The following CHERP variants were observed in gnomAD, a reference collection of about 807,000 sequenced individuals.
The protein encoded by CHERP is calcium homeostasis endoplasmic reticulum protein.
In CHERP, 8 loss-of-function variants were observed where a neutral mutation model predicts 113.8. That is an observed-to-expected ratio of 0.07 (90% CI 0.04 to 0.13). The LOEUF is 0.13. Among genes scored for constraint, CHERP ranks in the 10% least tolerant of loss-of-function variants. The pLI is 1.00. For synonymous variants in CHERP, 559 were observed against 524.5 expected, an observed-to-expected ratio of 1.07 and a Z score of -0.90; for missense variants, 884 against 1,298.2, an observed-to-expected ratio of 0.68 and a Z score of 4.90.
chr19:16,521,414 T>C (rs1254724379), intron 12 of CHERP, 107 bp downstream of exon 12: 4 of 1,116,590 alleles, frequency 3.6e-6, no homozygotes, highest in Non-Finnish European at 4.9e-6. Context: ...GGGCAGTTTC[T>C]CCTGAGGGAC....
Position 16,522,777 on chromosome 19 carries a change from GACTCGAGCCTCATAGCCT to G in CHERP, c.1980+257_1980+274del, listed in dbSNP as rs1568505249. Among the ~76,000 whole-genome samples the G allele has an allele frequency of 4.6e-5, 7 of 152,304 alleles. No homozygotes were observed. In the South Asian group the frequency reaches 1.0e-3, roughly 23 times the overall value. On this transcript the variant is annotated intron_variant, in intron 11 of 16. Transcript: ENST00000546361. ...CCTGGACCAAGAAGGACGAAGAGAG[GACTCGAGCCTCATAGCCT>G]AGCTAGCCCCACATGGCTGAAGCTC...
chr19:16,541,695 C>T, intron 2 of CHERP, 175 bp downstream of exon 2: 1 of 639,224 alleles, frequency 1.6e-6, no homozygotes, highest in Non-Finnish European at 2.6e-6. Flanking sequence ...ACAGTGGCAC[C>T]CAGCAGCCGC....
In CHERP at chr19:16,519,450, A is replaced by C; in HGVS notation, c.2558-98T>G. 1 of 1,385,168 alleles carries C rather than the reference A, an allele frequency of 7.2e-7. No homozygotes were observed. The highest frequency in any genetic ancestry group is 1.3e-5 in the South Asian group (1 of 78,528). 85.8% of individuals were successfully genotyped at this position (1,385,168 alleles called of 1,614,324 possible). A position where few individuals can be genotyped will look rare whatever the true frequency, so the allele number is the denominator to read the frequency against. On this transcript the variant is annotated intron_variant, in intron 16 of 16. Transcript: ENST00000546361. This position sits in a 1 kb window ranked among gnomAD's most constrained non-coding sequence, Gnocchi z 6.0. ...CCAGACAGGCAGTGTAGACATGGGA[A>C]ATGGGTAGAGAGAACCCGCAGGCCG...
At chr19:16,521,005 G>C (rs2085609096) in intron 12 of CHERP, 93 bp from the exon 13 acceptor site, 1 of 1,072,770 alleles carries the variant, frequency 9.3e-7, no homozygotes, top group South Asian at 1.3e-5. Flanking sequence ...CAGAACCTTG[G>C]AGAGTACATG....
rs1733065394 is a variant in CHERP, at chr19:16,542,063, C to T, written c.26-20G>A. On this transcript the variant is annotated intron_variant, in intron 1 of 16. Transcript: ENST00000546361. ...CCTGGTCTGGAGGACGGAGAAAAGG[C>T]CACGCGGGGCGTCAGCGAGGACCGC... 1.3e-6 allele frequency: 2 copies of T among 1,598,916 alleles called. No homozygotes were observed. Among genetic ancestry groups the T allele is most frequent in the African/African-American group, 1.3e-5 (1 of 74,234 alleles).
At position 16,533,167 on chromosome 19, in the gene CHERP, G is replaced by A. The variant is rs1365929615; in HGVS notation, c.385-19C>T. The stretch of plus-strand genomic sequence containing the variant: ...CTTGCTCCTGCGGGCGGGGGTCGGT[G>A]GGGTCGAGAACACATGAGGAGGGAC... On this transcript the variant is annotated intron_variant, in intron 3 of 16. Transcript: ENST00000546361. 3 of 1,570,810 alleles carry A rather than the reference G, an allele frequency of 1.9e-6. No individual in the cohort carries two copies. The highest frequency in any genetic ancestry group is 2.6e-6 in the Non-Finnish European group (3 of 1,159,494).
chr19:16,529,063 C>T (rs979379690), intron 8 of CHERP, among the ~76,000 whole-genome samples: 14 of 152,222 alleles, frequency 9.2e-5, no homozygotes, highest in Middle Eastern at 3.2e-3. Flanking sequence ...GACAGGGTCT[C>T]GCTTTGTTAC....
chr19:16,527,032 T>G (rs549584036), intron 9 of CHERP, among the ~76,000 whole-genome samples: 31 of 152,334 alleles, frequency 2.0e-4, no homozygotes, highest in Non-Finnish European at 3.7e-4. Context: ...TTTAAACGTG[T>G]TAAGACCCCA....
rs567354580 is a variant in CHERP, at chr19:16,519,055, C to G, written c.*104G>C. 3.4e-4 allele frequency: 343 copies of G among 1,017,856 alleles called. 9 individuals are homozygous for G. The South Asian group carries it at 5.0e-3, about 15-fold the overall frequency. 63.1% of individuals were successfully genotyped at this position (1,017,856 alleles called of 1,614,324 possible). ...TCCTGTGGCTCTCCACAAGTGGAGA[C>G]GGTGTAAGAACTGAGCTGTCACTGC... is the stretch of plus-strand genomic sequence containing the variant. On this transcript the variant is annotated 3_prime_UTR_variant, in exon 17 of 17. Transcript: ENST00000546361. The surrounding 1 kb of genome is among the most constrained non-coding windows in gnomAD (Gnocchi z 6.0).
At chr19:16,527,548 T>C (rs777467727) in intron 9 of CHERP, among the ~76,000 whole-genome samples, 17 of 152,192 alleles carry the variant, frequency 1.1e-4, no homozygotes, top group Non-Finnish European at 2.2e-4. Context: ...GTGCTGAAAG[T>C]GGACCCAGCA....
In CHERP at chr19:16,535,447, C is replaced by T. The variant is rs1438643140; in HGVS notation, c.384+5G>A. On this transcript the variant is annotated splice_donor_5th_base_variant and intron_variant, in intron 3 of 16. Transcript: ENST00000546361. This position sits in a 1 kb window ranked among gnomAD's most constrained non-coding sequence, Gnocchi z 4.3. ...TGTCTGGCCGAGGAGGCGGCGGGCC[C>T]ATACCTGTCTGAGCGCCAGCAAGTG... 2 of 1,607,038 alleles carry T rather than the reference C, an allele frequency of 1.2e-6. No homozygotes were observed. The highest frequency in any genetic ancestry group is 3.4e-5 in the Admixed American group (2 of 59,096).
intron 2 of CHERP, among the ~76,000 whole-genome samples, chr19:16,536,054 TAAG>T (rs1174014989): frequency 6.6e-6 from 1 of 152,170 alleles, no homozygotes; most frequent in African/African-American, 2.4e-5. Context: ...CTCTGCCACT[TAAG>T]CTACCCATTG....
chr19:16,542,196 C>T (rs1013928844), intron 1 of CHERP, 153 bp from the exon 2 acceptor site: 1 of 1,081,368 alleles, frequency 9.2e-7, no homozygotes, highest in Non-Finnish European at 1.3e-6. Context: ...AGGGGCCACA[C>T]GCTCGCCGGG....
chr19:16,537,372 G>A (rs948555015), intron 2 of CHERP, among the ~76,000 whole-genome samples: 2 of 151,922 alleles, frequency 1.3e-5, no homozygotes, highest in Admixed American at 6.6e-5. Flanking sequence ...TCCGCTCTAC[G>A]CAACCGCCGG....
intron 12 of CHERP, 103 bp downstream of exon 12, chr19:16,521,418 G>T: frequency 1.7e-6 from 2 of 1,178,480 alleles, no homozygotes; most frequent in Non-Finnish European, 2.3e-6. Flanking sequence ...AGTTTCTCCT[G>T]AGGGACAGCC....
chr19:16,542,231 C>T (rs2085785427), intron 1 of CHERP, 123 bp downstream of exon 1: 2 of 1,106,742 alleles, frequency 1.8e-6, no homozygotes, highest in Non-Finnish European at 2.4e-6. Flanking sequence ...CGGGAGAGGC[C>T]GCAGGCGAAG....
chr19:16,520,170 C>G lies in CHERP; in HGVS notation c.2441G>C (p.Arg814Pro). 2 of 1,612,832 alleles carry G rather than the reference C, an allele frequency of 1.2e-6. No homozygotes were observed. Among genetic ancestry groups the G allele is most frequent in the Non-Finnish European group, 1.7e-6 (2 of 1,179,994 alleles). ...SYSPGRRRRS[R>P]SRSPTPPSSA... The stretch of plus-strand genomic sequence containing the variant: ...TTACGGCGGGGTGGGGCTCCTGGAC[C>G]GTGACCGGCGTCTTCTTCCTGGGGA... The change falls in exon 15 of 17, where the codon CGG becomes CCG. Residue 814 changes from arginine (R) to proline (P), a missense_variant. This residue lies in a region of CHERP where 159 missense variants were observed against 185.8 expected (regional missense o/e 0.86). Transcript: ENST00000546361. The surrounding 1 kb of genome is among the most constrained non-coding windows in gnomAD (Gnocchi z 4.0).
chr19:16,535,638 TGGA>T lies in CHERP; in HGVS notation c.200-5_200-3del. The T allele has an allele frequency of 6.6e-7, 1 of 1,508,166 alleles. No homozygotes were observed. The highest frequency in any genetic ancestry group is 8.9e-7 in the Non-Finnish European group (1 of 1,129,892). The allele number at this position is 1,508,166 out of a possible 1,614,324, so 93.4% of individuals were successfully genotyped here. A position where few individuals can be genotyped will look rare whatever the true frequency, so the allele number is the denominator to read the frequency against. On this transcript the variant is annotated splice_region_variant and splice_polypyrimidine_tract_variant and intron_variant, in intron 2 of 16. Transcript: ENST00000546361. This position sits in a 1 kb window ranked among gnomAD's most constrained non-coding sequence, Gnocchi z 4.3. ...CCGGGGTCTGCTGCTTGCAGATGAC[TGGA>T]GGGAGAGGAGGAGGGGTGCCCCATG... is the stretch of plus-strand genomic sequence containing the variant.
At chr19:16,533,795 A>AACAAAAAG (rs1239978430) in intron 3 of CHERP, among the ~76,000 whole-genome samples, 2 of 151,992 alleles carry the variant, frequency 1.3e-5, no homozygotes, top group African/African-American at 4.8e-5. Context: ...CAACAACAAC[A>AACAAAAAG]AAAAGAAAAG....
Sources: allele counts gnomAD v4.1 joint callset (sites outside exome capture counted in the v4.1 genomes callset), GRCh38; gene constraint gnomAD v4.1.1; regional missense constraint gnomAD v4.1.1; non-coding constraint Gnocchi (gnomAD v3.1); transcripts MANE v1.5; gene names NCBI Gene and HGNC (gene_info 2026-07-23, HGNC 2026-07-21).